GRID1: variants seen among roughly 807,000 people sequenced by gnomAD.
GRID1 encodes glutamate ionotropic receptor delta type subunit 1.
Under a neutral mutation model 98.0 loss-of-function variants are expected in GRID1, and 28 were observed. The ratio of observed to expected loss-of-function variants is 0.29; its 90% confidence interval spans 0.21 to 0.39. The LOEUF (loss-of-function observed/expected upper bound fraction) is 0.39. Ranked by LOEUF, GRID1 falls within the 10% of genes least tolerant of loss-of-function variation. GRID1 has a pLI of 1.00. For missense variants in GRID1, 1,111 were observed against 1,340.5 expected (o/e 0.83, Z 2.67); for synonymous variants, 553 against 538.5 (o/e 1.03, Z -0.37).
intron 12 of GRID1, among the ~76,000 whole-genome samples, chr10:85,711,160 C>G (rs1044891386): frequency 2.0e-5 from 3 of 151,928 alleles, no homozygotes; most frequent in African/African-American, 7.2e-5. Flanking sequence ...AGGCATTGAA[C>G]AGGTATTTGT....
At chr10:85,673,231 C>T (rs1208732802) in intron 12 of GRID1, among the ~76,000 whole-genome samples, 1 of 152,156 alleles carries the variant, frequency 6.6e-6, no homozygotes, top group Admixed American at 6.5e-5. Context: ...TTGTTTCTTA[C>T]AGATGAGCAA....
intron 4 of GRID1, among the ~76,000 whole-genome samples, chr10:86,063,921 A>G (rs538663259): frequency 5.3e-5 from 8 of 152,344 alleles, no homozygotes; most frequent in African/African-American, 1.9e-4. Flanking sequence ...GAGTTGCAGC[A>G]GAGACCATAT....
At chr10:85,777,077 A>C (rs999010219) in intron 8 of GRID1, among the ~76,000 whole-genome samples, 1 of 152,250 alleles carries the variant, frequency 6.6e-6, no homozygotes, top group Admixed American at 6.5e-5. Context: ...GTCCTATATC[A>C]GCACAAACCT....
At chr10:86,126,131 CAG>C (rs952977806) in intron 4 of GRID1, among the ~76,000 whole-genome samples, 7 of 152,150 alleles carry the variant, frequency 4.6e-5, no homozygotes, top group African/African-American at 1.7e-4. Context: ...TCACAGAAAA[CAG>C]GGGTGGTACC....
chr10:86,344,075 G>A (rs1438769017), intron 2 of GRID1, among the ~76,000 whole-genome samples: 1 of 152,350 alleles, frequency 6.6e-6, no homozygotes, highest in South Asian at 2.1e-4. Flanking sequence ...CCAGTGCCTG[G>A]GCCCTTGCCC....
At chr10:85,989,214 T>A (rs1842649000) in intron 4 of GRID1, among the ~76,000 whole-genome samples, 1 of 152,188 alleles carries the variant, frequency 6.6e-6, no homozygotes, top group South Asian at 2.1e-4. Context: ...TTGGACAGGT[T>A]GTTTGGCATG....
At chr10:86,087,268 C>T (rs114078382) in intron 4 of GRID1, among the ~76,000 whole-genome samples, 1 of 151,576 alleles carries the variant, frequency 6.6e-6, no homozygotes, top group Non-Finnish European at 1.5e-5. Flanking sequence ...TGTGTCTGAG[C>T]ATCTATGTGT....
chr10:85,791,825 A>G (rs1020099140), intron 8 of GRID1, among the ~76,000 whole-genome samples: 2 of 152,298 alleles, frequency 1.3e-5, no homozygotes, highest in East Asian at 3.9e-4. Context: ...TTATAAAACA[A>G]CAGACAGAGA....
At chr10:86,083,068 G>A (rs889689213) in intron 4 of GRID1, among the ~76,000 whole-genome samples, 1 of 152,204 alleles carries the variant, frequency 6.6e-6, no homozygotes, top group African/African-American at 2.4e-5. Flanking sequence ...ACACATAGTG[G>A]GGGCTCAGTA....
chr10:85,778,035 G>A (rs975208244), intron 8 of GRID1, among the ~76,000 whole-genome samples: 1 of 152,118 alleles, frequency 6.6e-6, no homozygotes, highest in Admixed American at 6.5e-5. Context: ...TTGTCCATGG[G>A]ATCTGTTGGA....
chr10:86,336,994 G>A (rs943257158), intron 2 of GRID1, among the ~76,000 whole-genome samples: 4 of 151,482 alleles, frequency 2.6e-5, no homozygotes, highest in East Asian at 2.0e-4. Context: ...ACAGGCGCCC[G>A]CCACCAGGAT....
At chr10:86,116,085 T>C (rs1158396609) in intron 4 of GRID1, among the ~76,000 whole-genome samples, 1 of 152,208 alleles carries the variant, frequency 6.6e-6, no homozygotes, top group East Asian at 1.9e-4. Flanking sequence ...AAGTACACTC[T>C]ATGGGGTTCG....
chr10:85,945,657 AG>A (rs1395435181), intron 4 of GRID1, among the ~76,000 whole-genome samples: 6 of 152,252 alleles, frequency 3.9e-5, no homozygotes, highest in Non-Finnish European at 8.8e-5. Flanking sequence ...CACTCTGAAA[AG>A]TTCCTACACA....
chr10:85,722,847 G>C (rs1297989414), intron 12 of GRID1, among the ~76,000 whole-genome samples, 156 bp downstream of exon 12: 6 of 152,114 alleles, frequency 3.9e-5, no homozygotes, highest in African/African-American at 1.4e-4. Flanking sequence ...AAATACAACA[G>C]GAGTGAAGCT....
At chr10:85,741,028 A>G (rs1726141554) in intron 8 of GRID1, among the ~76,000 whole-genome samples, 1 of 152,144 alleles carries the variant, frequency 6.6e-6, no homozygotes, top group African/African-American at 2.4e-5. Context: ...TGCTGGGATT[A>G]CAGGTGAGCC....
At chr10:85,989,879 G>C (rs1318910087) in intron 4 of GRID1, among the ~76,000 whole-genome samples, 1 of 152,204 alleles carries the variant, frequency 6.6e-6, no homozygotes, top group Non-Finnish European at 1.5e-5. Flanking sequence ...GAACCTTTGG[G>C]AGGTGATTAG....
intron 12 of GRID1, chr10:85,650,203 T>C (rs1843249474): frequency 6.6e-6 from 1 of 152,228 alleles, no homozygotes; most frequent in African/African-American, 2.4e-5. Flanking sequence ...GCATCCAGAC[T>C]GCCAAGCCAA....
chr10:85,736,333 A>G (rs1448624318), intron 8 of GRID1, among the ~76,000 whole-genome samples: 1 of 152,042 alleles, frequency 6.6e-6, no homozygotes, highest in Non-Finnish European at 1.5e-5. Context: ...AAGGAAGGAA[A>G]AAAGGAAGGA....
intron 4 of GRID1, among the ~76,000 whole-genome samples, chr10:86,090,647 G>A (rs1019299385): frequency 6.6e-6 from 1 of 152,090 alleles, no homozygotes; most frequent in Non-Finnish European, 1.5e-5. Context: ...ACAGACAGGA[G>A]GCAGGTCAAG....
Sources: gnomAD v4.1 joint callset for allele counts (sites outside exome capture counted in the v4.1 genomes callset) on GRCh38, gnomAD v4.1.1 for gene constraint, MANE v1.5 for transcripts, NCBI Gene and HGNC (gene_info 2026-07-23, HGNC 2026-07-21) for gene names.